The following GSTCD variants were observed in gnomAD, a reference collection of about 807,000 sequenced individuals.
GSTCD encodes glutathione S-transferase C-terminal domain-containing protein.
A neutral mutation model predicts 68.3 loss-of-function variants in GSTCD; 44 were observed. That is an observed-to-expected ratio of 0.64 (90% CI 0.51 to 0.83). The LOEUF is 0.83. Ranked by LOEUF, GSTCD falls within the 40% of genes least tolerant of loss-of-function variation. The pLI, the probability that GSTCD is intolerant of heterozygous loss-of-function variation, is 0.00. For missense variants in GSTCD, 739 were observed against 735.9 expected, an observed-to-expected ratio of 1.00 and a Z score of -0.05; for synonymous variants, 273 against 255.2, an observed-to-expected ratio of 1.07 and a Z score of -0.67.
In GSTCD at chr4:105,825,809, T is replaced by C; in HGVS notation, c.1530+9T>C. 6.9e-7 allele frequency: 1 copy of C among 1,452,186 alleles called. No individual in the cohort carries two copies. Among genetic ancestry groups the C allele is most frequent in the Non-Finnish European group, 9.6e-7 (1 of 1,042,440 alleles). The allele number at this position is 1,452,186 out of a possible 1,614,324, so 90.0% of individuals were successfully genotyped here. A position where few individuals can be genotyped will look rare whatever the true frequency, so the allele number is the denominator to read the frequency against. On this transcript the variant is annotated intron_variant, in intron 8 of 11. Coordinates refer to ENST00000515279, the MANE Select transcript of GSTCD (RefSeq NM_001370181.1). The stretch of plus-strand genomic sequence containing the variant: ...GGATGTTTAATATTGGAGTAAGTAA[T>C]CAAGTAATTTCAATTTCTTTAATTA...
In GSTCD at chr4:105,792,307, A is replaced by C. The variant is rs1017032459; in HGVS notation, c.1241-30647A>C. Reference sequence around the variant, plus strand: ...TCTTTGAAAATTTAAACTATCCCACAGTACCCTGAGAACCATAATTTAAAT... The same window carrying C: ...TCTTTGAAAATTTAAACTATCCCACCGTACCCTGAGAACCATAATTTAAAT... On this transcript the variant is annotated intron_variant, in intron 5 of 11. Transcript: ENST00000515279. Among the ~76,000 whole-genome samples the C allele has an allele frequency of 3.3e-4, 50 of 152,192 alleles. 1 individual carries two copies. Among genetic ancestry groups the C allele is most frequent in the Non-Finnish European group, 4.3e-4 (29 of 68,012 alleles).
intron 5 of GSTCD, among the ~76,000 whole-genome samples, chr4:105,799,231 T>A (rs932202723): frequency 2.6e-5 from 4 of 152,222 alleles, no homozygotes; most frequent in Non-Finnish European, 5.9e-5. Flanking sequence ...TCTGGTTTGA[T>A]CTATTCAGAC....
intron 5 of GSTCD, among the ~76,000 whole-genome samples, chr4:105,810,476 T>A (rs528318268): frequency 1.2e-4 from 18 of 152,244 alleles, no homozygotes; most frequent in Admixed American, 1.2e-3. Context: ...TCAGAGAAGA[T>A]AATGAGGTGT....
chr4:105,717,421 T>A (rs894365871), intron 1 of GSTCD, among the ~76,000 whole-genome samples, 172 bp from the exon 2 acceptor site: 2 of 152,158 alleles, frequency 1.3e-5, no homozygotes, highest in Non-Finnish European at 2.9e-5. Flanking sequence ...CAGGGTGGAA[T>A]TTTTTTCTTT....
At chr4:105,768,388 T>A (rs1245506712) in intron 5 of GSTCD, among the ~76,000 whole-genome samples, 1 of 152,192 alleles carries the variant, frequency 6.6e-6, no homozygotes, top group Non-Finnish European at 1.5e-5. Context: ...TATGAATTAC[T>A]GCTTTGTTGT....
At chr4:105,800,374 T>C (rs1158804433) in intron 5 of GSTCD, among the ~76,000 whole-genome samples, 1 of 152,114 alleles carries the variant, frequency 6.6e-6, no homozygotes, top group Non-Finnish European at 1.5e-5. Flanking sequence ...CCAGGACACG[T>C]GGGAATTGTG....
intron 5 of GSTCD, among the ~76,000 whole-genome samples, chr4:105,781,596 C>A (rs1335799217): frequency 1.3e-5 from 2 of 151,902 alleles, no homozygotes; most frequent in Non-Finnish European, 2.9e-5. Context: ...ACTCATGACT[C>A]TATTAGCATT....
At chr4:105,779,176 C>T (rs1305871793) in intron 5 of GSTCD, among the ~76,000 whole-genome samples, 2 of 152,154 alleles carry the variant, frequency 1.3e-5, no homozygotes, top group East Asian at 3.8e-4. Flanking sequence ...GTTGTCACAT[C>T]TCTCTGGTTC....
At chr4:105,828,820 C>T (rs1420819665) in intron 8 of GSTCD, among the ~76,000 whole-genome samples, 1 of 152,064 alleles carries the variant, frequency 6.6e-6, no homozygotes, top group African/African-American at 2.4e-5. Context: ...GGACTGAAAT[C>T]GTGTTTAATT....
intron 5 of GSTCD, among the ~76,000 whole-genome samples, chr4:105,765,438 G>A (rs2149238739): frequency 6.6e-6 from 1 of 152,288 alleles, no homozygotes; most frequent in East Asian, 1.9e-4. Flanking sequence ...TCTAGAAAGT[G>A]TAACCCTTCA....
At chr4:105,840,619 T>C (rs945104880) in intron 10 of GSTCD, among the ~76,000 whole-genome samples, 2 of 152,216 alleles carry the variant, frequency 1.3e-5, no homozygotes, top group African/African-American at 4.8e-5. Context: ...CTGTTCTGAA[T>C]GAACAGTTGT....
At chr4:105,758,489 C>T (rs1186526726) in intron 5 of GSTCD, among the ~76,000 whole-genome samples, 1 of 152,150 alleles carries the variant, frequency 6.6e-6, no homozygotes, top group Non-Finnish European at 1.5e-5. Flanking sequence ...CTCTCTTGCT[C>T]CCATTCTTGT....
At chr4:105,809,040 G>A (rs1722645746) in intron 5 of GSTCD, among the ~76,000 whole-genome samples, 1 of 152,088 alleles carries the variant, frequency 6.6e-6, no homozygotes, top group Non-Finnish European at 1.5e-5. Flanking sequence ...CAAGCATTAA[G>A]TGAAAAAGTA....
chr4:105,721,339 C>T (rs1308819734), intron 3 of GSTCD, among the ~76,000 whole-genome samples: 3 of 152,146 alleles, frequency 2.0e-5, no homozygotes, highest in African/African-American at 7.2e-5. Context: ...GTTATGTTGG[C>T]AAGCCTTTTT....
chr4:105,714,408 A>T (rs564016046), intron 1 of GSTCD, among the ~76,000 whole-genome samples: 8 of 152,176 alleles, frequency 5.3e-5, no homozygotes, highest in Non-Finnish European at 1.2e-4. Context: ...AAAGCTCGTG[A>T]CAGAAAATTA....
At chr4:105,749,388 T>C (rs1276750874) in intron 5 of GSTCD, among the ~76,000 whole-genome samples, 1 of 151,848 alleles carries the variant, frequency 6.6e-6, no homozygotes, top group Non-Finnish European at 1.5e-5. Context: ...CTAAATTTTA[T>C]ATGGAAAAAA....
intron 1 of GSTCD, among the ~76,000 whole-genome samples, chr4:105,710,387 C>CTT (rs70941210): frequency 8.1e-5 from 10 of 123,678 alleles, no homozygotes; most frequent in Non-Finnish European, 1.0e-4. Flanking sequence ...CACTCGGCTC[C>CTT]TTTTTTTTTT....
chr4:105,727,570 A>T (rs1391825091), intron 4 of GSTCD, among the ~76,000 whole-genome samples: 2 of 151,598 alleles, frequency 1.3e-5, no homozygotes, highest in Non-Finnish European at 2.9e-5. Context: ...CTCAATTTAC[A>T]TTCCAAGGTT....
chr4:105,713,015 A>T (rs1732583688), intron 1 of GSTCD, among the ~76,000 whole-genome samples: 1 of 152,182 alleles, frequency 6.6e-6, no homozygotes, highest in South Asian at 2.1e-4. Flanking sequence ...GTTGTGCCCC[A>T]TTAATGAGTC....
Sources: gnomAD v4.1 joint callset for allele counts (sites outside exome capture counted in the v4.1 genomes callset) on GRCh38, gnomAD v4.1.1 for gene constraint, MANE v1.5 for transcripts, NCBI Gene and HGNC (gene_info 2026-07-23, HGNC 2026-07-21) for gene names.